The following POLQ variants were observed in gnomAD, a reference collection of about 807,000 sequenced individuals.
POLQ encodes the protein DNA polymerase theta, also known as epididymis secretory sperm binding protein.
Under a neutral mutation model 259.2 loss-of-function variants are expected in POLQ, and 233 were observed. That is an observed-to-expected ratio of 0.90 (90% confidence interval 0.81 to 1.00). The LOEUF is 1.00. Ranked by LOEUF, POLQ falls within the 50% of genes least tolerant of loss-of-function variation. The pLI, the probability that POLQ is intolerant of heterozygous loss-of-function variation, is 0.00. For synonymous variants in POLQ, 1,025 were observed against 1,048.8 expected (o/e 0.98, Z 0.44); for missense variants, 2,871 against 3,051.6 (o/e 0.94, Z 1.39).
chr3:121,535,867 G>A (rs2048446888), intron 5 of POLQ, among the ~76,000 whole-genome samples: 1 of 152,072 alleles, frequency 6.6e-6, no homozygotes, highest in Non-Finnish European at 1.5e-5. Context: ...ACAGACATAT[G>A]GTCAAAAAAT....
chr3:121,474,232 G>A (rs2047907709), intron 20 of POLQ, among the ~76,000 whole-genome samples: 1 of 152,170 alleles, frequency 6.6e-6, no homozygotes, highest in Non-Finnish European at 1.5e-5. Flanking sequence ...AAAGTAGGAA[G>A]GGGTTTGAAA....
intron 25 of POLQ, among the ~76,000 whole-genome samples, chr3:121,457,100 C>A (rs2047746063): frequency 6.6e-6 from 1 of 152,188 alleles, no homozygotes; most frequent in Non-Finnish European, 1.5e-5. Context: ...ACTATCTGAT[C>A]TTTGACAAAC....
chr3:121,470,607 T>C (rs1447666587), intron 22 of POLQ, among the ~76,000 whole-genome samples: 1 of 152,128 alleles, frequency 6.6e-6, no homozygotes, highest in Non-Finnish European at 1.5e-5. Flanking sequence ...ACCTTATTCG[T>C]TTATTGGTTT....
rs2048053177 is a variant in POLQ at position 121,490,032 on chromosome 3, T to C, written c.2899A>G (p.Ser967Gly). ...QDLNKSREHTSSFNCNFQNGN... is the reference protein window; with the variant it reads ...QDLNKSREHTGSFNCNFQNGN... ...TTCTGGAAATTACAATTAAAGGAAC[T>C]TGTATGCTCTCTACTTTTATTTAAG... The change falls in exon 16 of 30, where the codon AGT becomes GGT. Residue 967 changes from serine to glycine, a missense_variant. Transcript: ENST00000264233. 1.3e-6 allele frequency: 2 copies of C among 1,571,542 alleles called. No homozygotes were observed. The highest frequency in any genetic ancestry group is 1.7e-6 in the Non-Finnish European group (2 of 1,165,490).
At chr3:121,497,657 A>G (rs35362700) in intron 13 of POLQ, among the ~76,000 whole-genome samples, 95,852 of 151,848 alleles carry the variant, frequency 0.63, 30,644 homozygotes, top group East Asian at 0.89. Flanking sequence ...GGCTGGTCTC[A>G]AACTCCTGAC....
chr3:121,475,035 CTTAG>C (rs2047915006), intron 20 of POLQ, among the ~76,000 whole-genome samples: 1 of 151,186 alleles, frequency 6.6e-6, no homozygotes, highest in South Asian at 2.1e-4. Flanking sequence ...GAAATTTACT[CTTAG>C]TTACTTTGAA....
intron 22 of POLQ, among the ~76,000 whole-genome samples, chr3:121,471,760 AAAATAAATAAAT>A (rs539806767): frequency 1.3e-5 from 2 of 152,016 alleles, no homozygotes; most frequent in East Asian, 1.9e-4. Context: ...ACTCTGTCTC[AAAATAAATAAAT>A]AAATAAATAA....
At position 121,439,168 on chromosome 3, in the gene POLQ, C is replaced by T. The variant is rs576281687; in HGVS notation, c.7389+824G>A. ...AAATATCAATAAATCTTTTAAGTGC[C>T]GTTAAAAATAGCCTTATTCACTATT... On this transcript the variant is annotated intron_variant, in intron 27 of 29. Transcript: ENST00000264233. Among the ~76,000 whole-genome samples, 9 of 151,284 alleles carry T rather than the reference C, an allele frequency of 5.9e-5. No homozygotes were observed. In the South Asian group the frequency reaches 8.4e-4, roughly 14 times the overall value.
At chr3:121,544,953 T>C in intron 1 of POLQ, 47 bp from the exon 2 acceptor site, 1 of 1,247,512 alleles carries the variant, frequency 8.0e-7, no homozygotes, top group Non-Finnish European at 1.1e-6. Flanking sequence ...TTCTAATATA[T>C]GAGTTTTACA....
intron 25 of POLQ, among the ~76,000 whole-genome samples, chr3:121,454,931 T>G (rs1272580871): frequency 2.0e-5 from 3 of 152,168 alleles, no homozygotes; most frequent in Non-Finnish European, 4.4e-5. Context: ...GAATATACAT[T>G]TTTTTCAGCA....
chr3:121,503,212 A>G (rs910984831), intron 12 of POLQ, among the ~76,000 whole-genome samples: 45 of 152,384 alleles, frequency 3.0e-4, no homozygotes, highest in African/African-American at 1.0e-3. Context: ...CAGTAGAGTA[A>G]CATGCCAAAC....
chr3:121,535,761 T>C (rs916363629), intron 5 of POLQ, among the ~76,000 whole-genome samples: 3 of 147,788 alleles, frequency 2.0e-5, no homozygotes, highest in Admixed American at 6.7e-5. Context: ...TTTTCAGACA[T>C]GCAAGTTCTC....
chr3:121,514,300 C>G (rs2048278450), intron 9 of POLQ, among the ~76,000 whole-genome samples: 1 of 149,668 alleles, frequency 6.7e-6, no homozygotes, highest in African/African-American at 2.5e-5. Context: ...CGCACTACAG[C>G]CTGGGCAACA....
At chr3:121,476,861 A>G (rs754094497) in intron 19 of POLQ, 128 bp from the exon 20 acceptor site, 11 of 655,058 alleles carry the variant, frequency 1.7e-5, no homozygotes, top group Non-Finnish European at 2.6e-5. Flanking sequence ...TTCAGGAGCC[A>G]GTCTCCCGAG....
At chr3:121,545,637 T>TG (rs1364328532) in intron 1 of POLQ, 78 bp downstream of exon 1, 6 of 1,361,992 alleles carry the variant, frequency 4.4e-6, no homozygotes, top group Non-Finnish European at 5.9e-6. Flanking sequence ...GCAAGTCCCG[T>TG]GGGGTGAGGA....
At chr3:121,508,016 A>ATTTTTTTTTTTTTTT (rs4048669) in intron 12 of POLQ, among the ~76,000 whole-genome samples, 1 of 129,648 alleles carries the variant, frequency 7.7e-6, no homozygotes, top group Non-Finnish European at 1.6e-5. Flanking sequence ...ACCATACACA[A>ATTTTTTTTTTTTTTT]TTTTTTTTTT....
intron 5 of POLQ, 43 bp from the exon 6 acceptor site, chr3:121,533,252 A>G (rs2108818370): frequency 8.0e-7 from 1 of 1,255,360 alleles, no homozygotes; most frequent in Non-Finnish European, 1.1e-6. Flanking sequence ...GATATATAAT[A>G]CATTAATAAT....
intron 15 of POLQ, among the ~76,000 whole-genome samples, chr3:121,491,488 G>C (rs1410652978): frequency 6.6e-6 from 1 of 151,992 alleles, no homozygotes; most frequent in Non-Finnish European, 1.5e-5. Flanking sequence ...GTGGGGTTGA[G>C]ACTTGGAAGA....
Position 121,432,354 on chromosome 3 carries a change from T to A in POLQ, c.7723A>T (p.Lys2575Ter). ...CCCCAGCTGGCGCCTATTTTCACTT[T>A]CACTTTCAATTTCACAGACAGTTTT... Reference protein sequence around the residue: ...AVKLSVKLKVKVKIGASWGEL... With the variant: ...AVKLSVKLKV The change falls in exon 30 of 30, where the codon AAA (lysine) becomes TAA (stop). Residue 2575 changes from lysine to a stop codon, truncating the protein, a stop_gained. Transcript: ENST00000264233. LOFTEE classifies it high-confidence loss of function. 1 of 1,609,648 alleles carries A rather than the reference T, an allele frequency of 6.2e-7. No homozygotes were observed. Among genetic ancestry groups the A allele is most frequent in the Non-Finnish European group, 8.5e-7 (1 of 1,177,960 alleles).
Sources: allele counts gnomAD v4.1 joint callset (sites outside exome capture counted in the v4.1 genomes callset), GRCh38; gene constraint gnomAD v4.1.1; transcripts MANE v1.5; gene names NCBI Gene and HGNC (gene_info 2026-07-23, HGNC 2026-07-21).